The following ARB2A variants were observed in gnomAD, a reference collection of about 807,000 sequenced individuals.
ARB2A encodes the protein cotranscriptional regulator ARB2A.
At chr5:94,006,569 A>G in the ARB2A span, among the ~76,000 whole-genome samples, 1 of 152,204 alleles carries the variant, frequency 6.6e-6, no homozygotes, top group African/African-American at 2.4e-5. Flanking sequence ...TATTTCTTAC[A>G]ACTGCACTTG....
chr5:93,875,934 T>A, the ARB2A span, among the ~76,000 whole-genome samples: 1 of 151,958 alleles, frequency 6.6e-6, no homozygotes, highest in African/African-American at 2.4e-5. Context: ...TTATGGGGGG[T>A]GAAAATATGT....
At chr5:93,836,615 T>G in the ARB2A span, among the ~76,000 whole-genome samples, 1 of 152,248 alleles carries the variant, frequency 6.6e-6, no homozygotes, top group African/African-American at 2.4e-5. Context: ...ATAATTTAGA[T>G]TAAAATGTTT....
chr5:93,883,924 T>TACACATACACACAC, the ARB2A span, among the ~76,000 whole-genome samples: 1 of 133,906 alleles, frequency 7.5e-6, no homozygotes, highest in Non-Finnish European at 1.6e-5. Context: ...CACATACACA[T>TACACATACACACAC]ACACACACAC....
At chr5:93,806,809 C>T in the ARB2A span, among the ~76,000 whole-genome samples, 1 of 151,894 alleles carries the variant, frequency 6.6e-6, no homozygotes, top group African/African-American at 2.4e-5. Flanking sequence ...AGTGAAATCA[C>T]TGATGTCATG....
the ARB2A span, among the ~76,000 whole-genome samples, chr5:93,730,182 A>G: frequency 6.6e-6 from 1 of 152,182 alleles, no homozygotes; most frequent in East Asian, 1.9e-4. Context: ...AAAGTGTTAC[A>G]TTTTTGTTAG....
chr5:93,842,777 A>T, the ARB2A span, among the ~76,000 whole-genome samples: 3 of 152,194 alleles, frequency 2.0e-5, no homozygotes, highest in Non-Finnish European at 4.4e-5. Flanking sequence ...CTGTTTGAGA[A>T]ATATTTTCCC....
chr5:93,998,291 A>G, the ARB2A span, among the ~76,000 whole-genome samples: 2 of 151,998 alleles, frequency 1.3e-5, no homozygotes, highest in South Asian at 4.1e-4. Context: ...CAATTAGCAC[A>G]TACTGTGGAA....
the ARB2A span, among the ~76,000 whole-genome samples, chr5:93,763,203 C>T: frequency 6.6e-6 from 1 of 151,806 alleles, no homozygotes; most frequent in African/African-American, 2.4e-5. Context: ...ACAATATTAA[C>T]CTTAAATGCA....
the ARB2A span, among the ~76,000 whole-genome samples, chr5:94,034,513 T>G: frequency 1.3e-5 from 2 of 152,324 alleles, no homozygotes; most frequent in African/African-American, 4.8e-5. Flanking sequence ...TTACCAATTT[T>G]CAGATAACTT....
the ARB2A span, chr5:93,737,657 A>C: frequency 4.7e-6 from 1 of 214,888 alleles, no homozygotes; most frequent in Non-Finnish European, 9.5e-6. Context: ...CCAACAGAAG[A>C]GAGTTGAGAG....
At chr5:93,895,374 T>C in the ARB2A span, among the ~76,000 whole-genome samples, 11 of 152,204 alleles carry the variant, frequency 7.2e-5, no homozygotes, top group African/African-American at 1.7e-4. Flanking sequence ...AACTTGAACA[T>C]TGAATTATAG....
chr5:93,716,595 C>G, the ARB2A span, among the ~76,000 whole-genome samples: 1 of 142,940 alleles, frequency 7.0e-6, no homozygotes, highest in African/African-American at 2.6e-5. Flanking sequence ...TTTGCACAGT[C>G]AGACAATTTC....
chr5:93,891,995 C>T, the ARB2A span, among the ~76,000 whole-genome samples: 1 of 152,142 alleles, frequency 6.6e-6, no homozygotes, highest in East Asian at 1.9e-4. Context: ...ACCCCTTAAG[C>T]CCACTTAACT....
At chr5:93,916,503 T>C in the ARB2A span, among the ~76,000 whole-genome samples, 1 of 152,160 alleles carries the variant, frequency 6.6e-6, no homozygotes, top group African/African-American at 2.4e-5. Flanking sequence ...CTGATGGCAT[T>C]TATGCTTTAA....
the ARB2A span, among the ~76,000 whole-genome samples, chr5:94,001,136 T>G: frequency 1.3e-5 from 2 of 152,070 alleles, no homozygotes; most frequent in Non-Finnish European, 2.9e-5. Context: ...CTGGGTCTTT[T>G]GCCTCCTCAT....
At chr5:94,023,774 T>C in the ARB2A span, among the ~76,000 whole-genome samples, 1 of 152,204 alleles carries the variant, frequency 6.6e-6, no homozygotes, top group Non-Finnish European at 1.5e-5. Flanking sequence ...TTATGCAGTA[T>C]ACAACTCCCA....
chr5:93,865,601 A>T, the ARB2A span: 1 of 985,404 alleles, frequency 1.0e-6, no homozygotes, highest in Non-Finnish European at 1.2e-6. Flanking sequence ...AACAATTAGG[A>T]CACTTGGGGC....
chr5:93,838,372 A>G, the ARB2A span, among the ~76,000 whole-genome samples: 2 of 152,042 alleles, frequency 1.3e-5, no homozygotes, highest in African/African-American at 4.8e-5. Flanking sequence ...CTGTTTTTGT[A>G]TCAATACCAT....
chr5:93,740,905 C>G, the ARB2A span: 5 of 1,613,856 alleles, frequency 3.1e-6, no homozygotes, highest in African/African-American at 1.3e-5. Flanking sequence ...GTTTCCGATT[C>G]GTCGCTCTCT....
Sources: allele counts gnomAD v4.1 joint callset (sites outside exome capture counted in the v4.1 genomes callset), GRCh38; gene constraint gnomAD v4.1.1; transcripts MANE v1.5; gene names NCBI Gene and HGNC (gene_info 2026-07-23, HGNC 2026-07-21).